SIK3: variants seen among roughly 807,000 people sequenced by gnomAD.
SIK3 encodes the protein SIK family kinase 3.
A neutral mutation model predicts 144.2 loss-of-function variants in SIK3; 28 were observed. The observed-to-expected ratio is 0.19, with a 90% confidence interval of 0.14 to 0.27. The LOEUF is 0.27. Among genes scored for constraint, SIK3 ranks in the 10% least tolerant of loss-of-function variants. The pLI is 1.00. For missense variants in SIK3, 1,319 were observed against 1,776.0 expected (o/e 0.74, Z 4.62); for synonymous variants, 686 against 676.3 (o/e 1.01, Z -0.22).
At chr11:116,938,522 G>A (rs1399584968) in intron 3 of SIK3, among the ~76,000 whole-genome samples, 20 of 61,744 alleles carry the variant, frequency 3.2e-4, no homozygotes, top group Non-Finnish European at 5.4e-4. Flanking sequence ...AAAATGAAAA[G>A]AAGGGGACGG....
intron 1 of SIK3, among the ~76,000 whole-genome samples, chr11:116,978,837 G>T (rs902903308): frequency 6.6e-6 from 1 of 151,842 alleles, no homozygotes; most frequent in Non-Finnish European, 1.5e-5. Flanking sequence ...TGCCTTTTTT[G>T]ATCCCCACTA....
At chr11:116,930,958 G>A (rs1947571949) in intron 3 of SIK3, among the ~76,000 whole-genome samples, 1 of 151,954 alleles carries the variant, frequency 6.6e-6, no homozygotes, top group Non-Finnish European at 1.5e-5. Context: ...ACAGGGATGA[G>A]GTGACTCTCG....
At chr11:117,045,761 C>T (rs1179716282) in intron 1 of SIK3, among the ~76,000 whole-genome samples, 1 of 152,196 alleles carries the variant, frequency 6.6e-6, no homozygotes, top group Non-Finnish European at 1.5e-5. Flanking sequence ...CTCTTCTCCG[C>T]ATATTACAGT....
At position 117,038,638 on chromosome 11, in the gene SIK3, C is replaced by T. The variant is rs111994069; in HGVS notation, c.273+59505G>A. Among the ~76,000 whole-genome samples, 383 of 152,156 alleles carry T rather than the reference C, an allele frequency of 2.5e-3. 2 individuals are homozygous for T. Among genetic ancestry groups the T allele is most frequent in the African/African-American group, 8.6e-3 (356 of 41,552 alleles). On this transcript the variant is annotated intron_variant, in intron 1 of 24. Coordinates refer to ENST00000445177, the MANE Select transcript of SIK3 (RefSeq NM_001366686.3). Reference sequence around the variant, plus strand: ...AAAGTGTTGGGATTACAAGTGTGAGCCACCGCACCTGGCCGCTACAAGATT... The same window carrying T: ...AAAGTGTTGGGATTACAAGTGTGAGTCACCGCACCTGGCCGCTACAAGATT...
At chr11:116,902,508 A>G (rs1003911599) in intron 4 of SIK3, among the ~76,000 whole-genome samples, 1 of 152,198 alleles carries the variant, frequency 6.6e-6, no homozygotes, top group African/African-American at 2.4e-5. Flanking sequence ...TGAATGATAT[A>G]TTACAGCCAG....
Position 116,927,214 on chromosome 11 carries a change from C to A in SIK3, c.616+5G>T. 2 of 1,612,440 alleles carry A rather than the reference C, an allele frequency of 1.2e-6. No individual in the cohort carries two copies. Among genetic ancestry groups the A allele is most frequent in the Non-Finnish European group, 1.7e-6 (2 of 1,178,856 alleles). The stretch of plus-strand genomic sequence containing the variant: ...CCTATCTGACATCCTCAGTACAGTT[C>A]TCACCTGCTATTTTGATATTCAGAT... On this transcript the variant is annotated splice_donor_5th_base_variant and intron_variant, in intron 4 of 24. Coordinates refer to ENST00000445177, the MANE Select transcript of SIK3 (RefSeq NM_001366686.3).
intron 1 of SIK3, among the ~76,000 whole-genome samples, chr11:117,001,182 C>G (rs1459102435): frequency 6.6e-6 from 1 of 152,198 alleles, no homozygotes; most frequent in Non-Finnish European, 1.5e-5. Context: ...AATGTCTTGA[C>G]TAATTTCTAG....
chr11:116,854,341 G>A (rs2134345093), intron 21 of SIK3, among the ~76,000 whole-genome samples: 1 of 152,334 alleles, frequency 6.6e-6, no homozygotes, highest in African/African-American at 2.4e-5. Flanking sequence ...TAGCCTAGGT[G>A]ACAGAGCAAG....
chr11:117,006,406 C>A (rs1054010574), intron 1 of SIK3, among the ~76,000 whole-genome samples: 2 of 152,044 alleles, frequency 1.3e-5, no homozygotes, highest in Non-Finnish European at 2.9e-5. Context: ...CAAAGTCTCT[C>A]CAAAATACTC....
chr11:116,861,503 GT>G, intron 18 of SIK3, 120 bp from the exon 19 acceptor site: 1 of 730,594 alleles, frequency 1.4e-6, no homozygotes, highest in Non-Finnish European at 2.2e-6. Flanking sequence ...TAAGCCTCAT[GT>G]TAGAAAAATA....
intron 1 of SIK3, among the ~76,000 whole-genome samples, chr11:116,970,723 T>C (rs1472613830): frequency 6.6e-6 from 1 of 152,092 alleles, no homozygotes. Context: ...TGATAATAGC[T>C]CACTGCAGCC....
At chr11:117,028,077 C>A (rs1004817931) in intron 1 of SIK3, among the ~76,000 whole-genome samples, 1 of 152,104 alleles carries the variant, frequency 6.6e-6, no homozygotes, top group African/African-American at 2.4e-5. Flanking sequence ...ATTACTACTA[C>A]TACTGTTAAT....
At chr11:116,969,755 A>G (rs532318772) in intron 1 of SIK3, among the ~76,000 whole-genome samples, 1 of 152,336 alleles carries the variant, frequency 6.6e-6, no homozygotes, top group African/African-American at 2.4e-5. Context: ...ACCCTAACAC[A>G]TAAGACAGAA....
At chr11:116,966,587 G>A (rs1949555682) in intron 1 of SIK3, among the ~76,000 whole-genome samples, 1 of 152,054 alleles carries the variant, frequency 6.6e-6, no homozygotes, top group Non-Finnish European at 1.5e-5. Context: ...GTGTCATGTT[G>A]GCACTCAAAG....
At chr11:117,062,508 G>A (rs999709408) in intron 1 of SIK3, among the ~76,000 whole-genome samples, 28 of 152,068 alleles carry the variant, frequency 1.8e-4, no homozygotes, top group African/African-American at 6.8e-4. Context: ...ACCAAATATC[G>A]GCCCAAAATG....
rs1309302211 is a variant in SIK3, at chr11:116,896,340, C to T, written c.778G>A (p.Ala260Thr). Residue 260 changes from alanine (A) to threonine (T), a missense_variant, in exon 6 of 25, where the codon GCC becomes ACC. By Grantham distance (58) the Ala-to-Thr change is moderately conservative. Transcript: ENST00000445177. ...GVVLYVLVCGALPFDGSTLQN... is the reference protein window; with the variant it reads ...GVVLYVLVCGTLPFDGSTLQN... ...AGTGTGCTTCCATCAAATGGCAGGG[C>T]ACCGCACACAAGCACGTAGAGGACA... is the stretch of plus-strand genomic sequence containing the variant. 1 of 1,613,980 alleles carries T rather than the reference C, an allele frequency of 6.2e-7. No homozygotes were observed. Among genetic ancestry groups the T allele is most frequent in the Admixed American group, 1.7e-5 (1 of 60,024 alleles).
intron 4 of SIK3, among the ~76,000 whole-genome samples, chr11:116,909,106 C>G (rs1946203856): frequency 6.6e-6 from 1 of 152,044 alleles, no homozygotes; most frequent in Non-Finnish European, 1.5e-5. Context: ...TAAATCGCAG[C>G]TATACAAACA....
At position 117,022,945 on chromosome 11, in the gene SIK3, A is replaced by G. The variant is rs1045723581; in HGVS notation, c.274-65881T>C. On this transcript the variant is annotated intron_variant, in intron 1 of 24. Transcript: ENST00000445177. ...TCAGAAACAAACGCAAAGTGAATACATAACTGGATCTATTTCAAGGGTTAA... is the reference window on the plus strand; with the variant it reads ...TCAGAAACAAACGCAAAGTGAATACGTAACTGGATCTATTTCAAGGGTTAA... 6.6e-5 allele frequency among the ~76,000 whole-genome samples: 10 copies of G among 152,192 alleles called. No individual in the cohort carries two copies. The East Asian group carries it at 1.2e-3, about 18-fold the overall frequency.
intron 4 of SIK3, among the ~76,000 whole-genome samples, chr11:116,898,578 T>G (rs1945555638): frequency 6.6e-6 from 1 of 152,042 alleles, no homozygotes; most frequent in Non-Finnish European, 1.5e-5. Context: ...GGAACTAGTT[T>G]ACAGTCCCAC....
Sources: gnomAD v4.1 joint callset for allele counts (sites outside exome capture counted in the v4.1 genomes callset) on GRCh38, gnomAD v4.1.1 for gene constraint, MANE v1.5 for transcripts, NCBI Gene and HGNC (gene_info 2026-07-23, HGNC 2026-07-21) for gene names.